Variants in MYBPC1 observed in about 807,000 individuals in gnomAD.
MYBPC1 encodes the protein myosin-binding protein C, slow-type.
MYBPC1 carries 52 observed loss-of-function variants against 147.1 expected under a neutral mutation model. The ratio of observed to expected loss-of-function variants is 0.35; its 90% CI spans 0.28 to 0.45. The LOEUF (loss-of-function observed/expected upper bound fraction) is 0.45, where lower values mean the gene tolerates loss of function less well. Ranked by LOEUF, MYBPC1 falls within the 20% of genes least tolerant of loss-of-function variation. MYBPC1 has a pLI of 1.00. For synonymous variants in MYBPC1, 477 were observed against 475.9 expected, an observed-to-expected ratio of 1.00 and a Z score of -0.03; for missense variants, 1,228 against 1,440.3, an observed-to-expected ratio of 0.85 and a Z score of 2.39.
intron 3 of MYBPC1, among the ~76,000 whole-genome samples, chr12:101,624,683 A>ATTTTTTTTTT (rs57175970): frequency 0.05 from 4,923 of 98,904 alleles, 277 homozygotes; most frequent in Non-Finnish European, 0.055. Context: ...CGGCTAATTA[A>ATTTTTTTTTT]TTTTTTTTTT....
intron 5 of MYBPC1, chr12:101,628,263 G>A (rs1301979807): frequency 9.4e-6 from 2 of 213,866 alleles, no homozygotes; most frequent in Admixed American, 1.0e-4. Flanking sequence ...GCCTCTTATG[G>A]GCCAGCCACT....
At chr12:101,643,841 G>A (rs1387684078) in intron 11 of MYBPC1, among the ~76,000 whole-genome samples, 1 of 151,834 alleles carries the variant, frequency 6.6e-6, no homozygotes, top group Non-Finnish European at 1.5e-5. Context: ...CACTGTTTGG[G>A]CAAGTTACCA....
intron 30 of MYBPC1, among the ~76,000 whole-genome samples, chr12:101,683,574 TAAAAG>T (rs1163579343): frequency 1.3e-5 from 2 of 152,180 alleles, no homozygotes; most frequent in Non-Finnish European, 2.9e-5. Flanking sequence ...TTTATGAACT[TAAAAG>T]GAAAGAAAAT....
intron 10 of MYBPC1, among the ~76,000 whole-genome samples, chr12:101,640,998 G>C (rs1464574146): frequency 6.6e-6 from 1 of 151,576 alleles, no homozygotes; most frequent in Non-Finnish European, 1.5e-5. Flanking sequence ...TGTAATCCCA[G>C]CTACTTGGGA....
chr12:101,675,413 G>A lies in MYBPC1; in HGVS notation c.2931G>A (p.Lys977=). The part of the protein sequence containing the change: ...NAAITGYTIQ[K]ADKKSMEWFT... ...CTATCACAGGCTATACCATTCAGAA[G>A]GCTGACAAGAAGAGCATGGTAAGGT... The change falls in exon 26 of 32, where the codon AAG becomes AAA. Residue 977 remains lysine, a synonymous_variant. Coordinates refer to ENST00000361466, the MANE Select transcript of MYBPC1 (RefSeq NM_002465.4). 2 of 1,614,146 alleles carry A rather than the reference G, an allele frequency of 1.2e-6. No individual in the cohort carries two copies. Among genetic ancestry groups the A allele is most frequent in the East Asian group, 2.2e-5 (1 of 44,880 alleles).
rs1593919168 is a variant in MYBPC1, at chr12:101,653,145, A to G, written c.1664A>G (p.Asp555Gly). Residue 555 changes from aspartate to glycine, a missense_variant, in exon 18 of 32, where the codon GAT (aspartate) becomes GGT (glycine). Physicochemically the swap from Asp to Gly is moderately conservative, Grantham distance 94 (BLOSUM62 -1). Transcript: ENST00000361466. ...DPPKIILDGLDADNTVTVIAG... is the reference protein window; with the variant it reads ...DPPKIILDGLGADNTVTVIAG... ...CCTAAGATCATCCTGGATGGTCTTG[A>G]TGCTGACAACACAGTGACAGTGATT... is the stretch of plus-strand genomic sequence containing the variant. 1 of 1,614,128 alleles carries G rather than the reference A, an allele frequency of 6.2e-7. No homozygotes were observed. The highest frequency in any genetic ancestry group is 8.5e-7 in the Non-Finnish European group (1 of 1,179,996).
intron 18 of MYBPC1, among the ~76,000 whole-genome samples, chr12:101,658,388 T>TA (rs56350975): frequency 6.5e-4 from 97 of 149,990 alleles, no homozygotes; most frequent in African/African-American, 1.0e-3. Context: ...TTCAATCTGA[T>TA]AAAAAAAAAA....
intron 14 of MYBPC1, 124 bp from the exon 15 acceptor site, chr12:101,649,136 A>G (rs1036230181): frequency 1.9e-5 from 16 of 822,652 alleles, no homozygotes; most frequent in Non-Finnish European, 2.8e-5. Context: ...TTAATTCAAC[A>G]AATAGTTCTT....
chr12:101,644,988 T>G (rs993995801), intron 12 of MYBPC1, among the ~76,000 whole-genome samples, 192 bp downstream of exon 12: 1 of 152,250 alleles, frequency 6.6e-6, no homozygotes, highest in Non-Finnish European at 1.5e-5. Flanking sequence ...TAAACCTTTT[T>G]TTATGTTTAA....
At chr12:101,667,038 G>A (rs538130958) in intron 22 of MYBPC1, among the ~76,000 whole-genome samples, 1 of 152,078 alleles carries the variant, frequency 6.6e-6, no homozygotes, top group African/African-American at 2.4e-5. Context: ...ACTTTTAGAT[G>A]CTGAAACATT....
rs139696923 is a variant in MYBPC1 at position 101,660,813 on chromosome 12, G to C, written c.1928-345G>C. On this transcript the variant is annotated intron_variant, in intron 19 of 31. Transcript: ENST00000361466. Reference sequence around the variant, plus strand: ...CTTCCATGGCAGCAGACAAGAGAGAGAGAATGAGAACCAAGCCAGAGGGGT... The same window carrying C: ...CTTCCATGGCAGCAGACAAGAGAGACAGAATGAGAACCAAGCCAGAGGGGT... Among the ~76,000 whole-genome samples, 579 of 152,270 alleles carry C rather than the reference G, an allele frequency of 3.8e-3. 7 individuals carry two copies. Among genetic ancestry groups the C allele is most frequent in the African/African-American group, 0.013 (541 of 41,552 alleles).
At chr12:101,636,757 T>C (rs1280846217) in intron 10 of MYBPC1, 29 bp downstream of exon 10, 1 of 1,601,346 alleles carries the variant, frequency 6.2e-7, no homozygotes, top group Non-Finnish European at 8.6e-7. Flanking sequence ...AGTGAGACAT[T>C]GTGGCCTGGA....
intron 9 of MYBPC1, among the ~76,000 whole-genome samples, chr12:101,635,866 G>GT (rs1261951542): frequency 7.2e-5 from 11 of 152,158 alleles, no homozygotes; most frequent in Non-Finnish European, 1.5e-4. Context: ...AAACATGTAA[G>GT]TAACTATGTA....
At chr12:101,626,088 C>CAAAAAAAAAAAAAAAAAA (rs769008600) in intron 3 of MYBPC1, among the ~76,000 whole-genome samples, 1 of 55,084 alleles carries the variant, frequency 1.8e-5, no homozygotes, top group Non-Finnish European at 3.5e-5. Context: ...AACTCTGTCT[C>CAAAAAAAAAAAAAAAAAA]AAAAAAAAAA....
rs189610871 is a variant in MYBPC1, at chr12:101,655,465, A to G, written c.1767+2217A>G. Among the ~76,000 whole-genome samples the G allele has an allele frequency of 7.2e-4, 110 of 152,342 alleles. 1 individual carries two copies. The highest frequency in any genetic ancestry group is 2.6e-3 in the African/African-American group (107 of 41,586). On this transcript the variant is annotated intron_variant, in intron 18 of 31. Coordinates refer to ENST00000361466, the MANE Select transcript of MYBPC1 (RefSeq NM_002465.4). ...AAAGTCCAAAAAAATTTAAAGAATC[A>G]GTTAGACTTCAAATTTTCATTCGGG...
At position 101,602,622 on chromosome 12, in the gene MYBPC1, T is replaced by C. The variant is rs140270998; in HGVS notation, c.25+7527T>C. On this transcript the variant is annotated intron_variant, in intron 1 of 31. Transcript: ENST00000361466. Reference sequence around the variant, plus strand: ...TGTCTGGCACAAGGTATTAAATGCCTCATATTTCACATAAACTGATGGCAT... The same window carrying C: ...TGTCTGGCACAAGGTATTAAATGCCCCATATTTCACATAAACTGATGGCAT... Among the ~76,000 whole-genome samples the C allele has an allele frequency of 3.8e-3, 578 of 152,296 alleles. 5 individuals carry two copies. The highest frequency in any genetic ancestry group is 0.013 in the African/African-American group (559 of 41,550).
intron 1 of MYBPC1, among the ~76,000 whole-genome samples, chr12:101,605,495 G>A (rs1053456662): frequency 6.6e-6 from 1 of 152,152 alleles, no homozygotes; most frequent in Non-Finnish European, 1.5e-5. Context: ...CATAACTAGT[G>A]TATTATACAC....
At chr12:101,637,933 G>T (rs77497712) in intron 10 of MYBPC1, among the ~76,000 whole-genome samples, 17 of 152,058 alleles carry the variant, frequency 1.1e-4, no homozygotes, top group African/African-American at 4.1e-4. Flanking sequence ...TTCCCCAAAT[G>T]CATTTAAAGC....
intron 17 of MYBPC1, 49 bp downstream of exon 17, chr12:101,652,833 C>A: frequency 6.9e-7 from 1 of 1,453,398 alleles, no homozygotes; most frequent in Non-Finnish European, 9.7e-7. Flanking sequence ...TTTTTGTTTG[C>A]TTTTGCTTAC....
Sources: gnomAD v4.1 joint callset for allele counts (sites outside exome capture counted in the v4.1 genomes callset) on GRCh38, gnomAD v4.1.1 for gene constraint, MANE v1.5 for transcripts, NCBI Gene and HGNC (gene_info 2026-07-23, HGNC 2026-07-21) for gene names.